Variants in GALNTL6 observed in about 807,000 individuals in gnomAD.
GALNTL6 encodes polypeptide N-acetylgalactosaminyltransferase-like 6.
In GALNTL6, 46 loss-of-function variants were observed where a neutral mutation model predicts 73.7. That is an observed-to-expected ratio of 0.62 (90% CI 0.49 to 0.80). GALNTL6 has a LOEUF of 0.80. GALNTL6 is among the 30% of genes least tolerant of loss of function. The pLI is 0.00. For missense variants in GALNTL6, 604 were observed against 755.0 expected, an observed-to-expected ratio of 0.80 and a Z score of 2.34; for synonymous variants, 259 against 263.7, an observed-to-expected ratio of 0.98 and a Z score of 0.17.
At chr4:172,096,446 C>T (rs2110951461) in intron 2 of GALNTL6, among the ~76,000 whole-genome samples, 1 of 151,926 alleles carries the variant, frequency 6.6e-6, no homozygotes, top group East Asian at 1.9e-4. Flanking sequence ...TCAATTTAAC[C>T]TTTAGGATTC....
At chr4:171,957,719 T>C (rs1291536438) in intron 2 of GALNTL6, among the ~76,000 whole-genome samples, 1 of 152,182 alleles carries the variant, frequency 6.6e-6, no homozygotes, top group Non-Finnish European at 1.5e-5. Flanking sequence ...TGAAATGACC[T>C]ATCTGACTCA....
chr4:172,589,381 C>T (rs1250672550), intron 5 of GALNTL6, among the ~76,000 whole-genome samples: 1 of 152,126 alleles, frequency 6.6e-6, no homozygotes, highest in Non-Finnish European at 1.5e-5. Flanking sequence ...TCTTTTTGAA[C>T]TTGAGAATCT....
At chr4:171,862,776 A>G (rs527797717) in intron 2 of GALNTL6, among the ~76,000 whole-genome samples, 1 of 152,274 alleles carries the variant, frequency 6.6e-6, no homozygotes, top group African/African-American at 2.4e-5. Context: ...AGTGGTATAG[A>G]GTCAACTGAT....
chr4:171,906,914 T>A (rs1003263832), intron 2 of GALNTL6, among the ~76,000 whole-genome samples: 1 of 152,210 alleles, frequency 6.6e-6, no homozygotes, highest in Admixed American at 6.5e-5. Flanking sequence ...CCTCAATAGA[T>A]GCAGAAAAGC....
intron 5 of GALNTL6, among the ~76,000 whole-genome samples, chr4:172,628,949 G>A (rs1739276830): frequency 6.6e-6 from 1 of 151,518 alleles, no homozygotes; most frequent in African/African-American, 2.4e-5. Flanking sequence ...TACTGAACTG[G>A]AGTGCACACG....
chr4:173,003,818 C>T (rs1209119370), intron 10 of GALNTL6, among the ~76,000 whole-genome samples: 2 of 152,188 alleles, frequency 1.3e-5, no homozygotes, highest in African/African-American at 4.8e-5. Flanking sequence ...CTTCCAATGT[C>T]ATCCATCCTA....
chr4:172,198,831 ATGT>A (rs938870403), intron 2 of GALNTL6, among the ~76,000 whole-genome samples: 1 of 152,198 alleles, frequency 6.6e-6, no homozygotes, highest in Non-Finnish European at 1.5e-5. Flanking sequence ...AACGTAGTGC[ATGT>A]ACTAGCCAGC....
chr4:172,063,870 C>T (rs1731282476), intron 2 of GALNTL6, among the ~76,000 whole-genome samples: 1 of 152,146 alleles, frequency 6.6e-6, no homozygotes, highest in African/African-American at 2.4e-5. Flanking sequence ...AAAAAATAAA[C>T]TCCCTTATCC....
chr4:173,038,185 C>T (rs1753769728), intron 12 of GALNTL6, among the ~76,000 whole-genome samples: 1 of 152,200 alleles, frequency 6.6e-6, no homozygotes, highest in African/African-American at 2.4e-5. Context: ...CTTAAGAGTG[C>T]TCTTTGAAAA....
At chr4:172,447,369 A>G (rs1732060164) in intron 5 of GALNTL6, among the ~76,000 whole-genome samples, 1 of 152,118 alleles carries the variant, frequency 6.6e-6, no homozygotes, top group Non-Finnish European at 1.5e-5. Flanking sequence ...GTGGCTTTGC[A>G]ATTTAAAGGG....
intron 5 of GALNTL6, among the ~76,000 whole-genome samples, chr4:172,582,892 G>T (rs969929551): frequency 4.6e-5 from 7 of 152,048 alleles, no homozygotes; most frequent in Admixed American, 1.3e-4. Context: ...TAAAAAGTCT[G>T]CATCCTTCAA....
At chr4:172,468,464 T>C (rs1732921215) in intron 5 of GALNTL6, among the ~76,000 whole-genome samples, 1 of 152,240 alleles carries the variant, frequency 6.6e-6, no homozygotes. Flanking sequence ...TTATATAATC[T>C]ATTGGGTACA....
intron 8 of GALNTL6, among the ~76,000 whole-genome samples, chr4:172,891,777 A>C (rs1579617739): frequency 6.6e-6 from 1 of 152,118 alleles, no homozygotes; most frequent in African/African-American, 2.4e-5. Flanking sequence ...AATACCAAGG[A>C]GTCATAGGCT....
intron 8 of GALNTL6, among the ~76,000 whole-genome samples, chr4:172,885,873 C>T (rs72708723): frequency 0.12 from 18,296 of 152,100 alleles, 1,323 homozygotes; most frequent in Non-Finnish European, 0.17. Context: ...GATTTGTATA[C>T]GTTGAACCAT....
chr4:172,597,317 A>G (rs112943954), intron 5 of GALNTL6, among the ~76,000 whole-genome samples: 10 of 152,298 alleles, frequency 6.6e-5, no homozygotes, highest in African/African-American at 2.2e-4. Flanking sequence ...GCATTCTATC[A>G]AATTACTATA....
chr4:172,826,112 G>C (rs1267834797), intron 7 of GALNTL6, among the ~76,000 whole-genome samples: 1 of 152,072 alleles, frequency 6.6e-6, no homozygotes, highest in South Asian at 2.1e-4. Context: ...TGAGCAGCAG[G>C]CTGGCTCCCA....
chr4:172,305,979 AG>A (rs1356140510), intron 3 of GALNTL6, among the ~76,000 whole-genome samples: 1 of 152,172 alleles, frequency 6.6e-6, no homozygotes, highest in Non-Finnish European at 1.5e-5. Context: ...TTTATTTTGT[AG>A]TCTTAGAAGT....
At chr4:172,064,305 T>A (rs1731295071) in intron 2 of GALNTL6, among the ~76,000 whole-genome samples, 1 of 152,240 alleles carries the variant, frequency 6.6e-6, no homozygotes. Flanking sequence ...GCATTATGAT[T>A]ATTTGGCCTT....
intron 10 of GALNTL6, among the ~76,000 whole-genome samples, chr4:173,003,478 G>T (rs1202128822): frequency 2.0e-5 from 3 of 152,122 alleles, no homozygotes; most frequent in Non-Finnish European, 4.4e-5. Flanking sequence ...TTTGGCCATG[G>T]CAGCACCCCA....
Sources: gnomAD v4.1 joint callset for allele counts (sites outside exome capture counted in the v4.1 genomes callset) on GRCh38, gnomAD v4.1.1 for gene constraint, MANE v1.5 for transcripts, NCBI Gene and HGNC (gene_info 2026-07-23, HGNC 2026-07-21) for gene names.